The following BCAS3 variants were observed in gnomAD, a reference collection of about 807,000 sequenced individuals.
The protein encoded by BCAS3 is BCAS4/BCAS3 fusion.
Under a neutral mutation model 116.1 loss-of-function variants are expected in BCAS3, and 53 were observed. The ratio of observed to expected loss-of-function variants is 0.46; its 90% confidence interval spans 0.37 to 0.57. The LOEUF is 0.57. Among genes scored for constraint, BCAS3 ranks in the 20% least tolerant of loss-of-function variants. BCAS3 has a pLI of 0.00. For missense variants in BCAS3, 917 were observed against 1,165.4 expected (o/e 0.79, Z 3.10); for synonymous variants, 391 against 408.2 (o/e 0.96, Z 0.51).
At chr17:60,874,810 A>G in intron 9 of BCAS3, 72 bp downstream of exon 9, 1 of 937,030 alleles carries the variant, frequency 1.1e-6, no homozygotes. Flanking sequence ...TCAGCAAACT[A>G]ACTGTAATTT....
chr17:61,046,134 G>A (rs138487942), intron 19 of BCAS3, among the ~76,000 whole-genome samples: 1 of 85,840 alleles, frequency 1.2e-5, no homozygotes, highest in Non-Finnish European at 2.2e-5. Context: ...AGCAATACTG[G>A]CGCCAGTTTC....
chr17:61,104,392 T>A lies in BCAS3; in HGVS notation c.2425+19828T>A, dbSNP rs930445943. Among the ~76,000 whole-genome samples, 1 of 152,172 alleles carries A rather than the reference T, an allele frequency of 6.6e-6. No homozygotes were observed. The highest frequency in any genetic ancestry group is 1.5e-5 in the Non-Finnish European group (1 of 68,026). ...ATCTTGTATAACTGAATAAAGAAAA[T>A]TTTTTATTGAAATTAAAGTAAGGAA... On this transcript the variant is annotated intron_variant, in intron 22 of 23. Transcript: ENST00000407086. This position sits in a 1 kb window ranked among gnomAD's most constrained non-coding sequence, Gnocchi z 4.1.
At chr17:60,917,039 A>G (rs553639715) in intron 12 of BCAS3, among the ~76,000 whole-genome samples, 1 of 152,340 alleles carries the variant, frequency 6.6e-6, no homozygotes, top group African/African-American at 2.4e-5. Context: ...TATGACTAAT[A>G]TATATCTACG....
At position 61,332,377 on chromosome 17, in the gene BCAS3, C is replaced by T. The variant is rs1259260390; in HGVS notation, c.2426-35950C>T. Among the ~76,000 whole-genome samples, 1 of 152,122 alleles carries T rather than the reference C, an allele frequency of 6.6e-6. No homozygotes were observed. The highest frequency in any genetic ancestry group is 1.5e-5 in the Non-Finnish European group (1 of 68,034). On this transcript the variant is annotated intron_variant, in intron 22 of 23. Transcript: ENST00000407086. This position sits in a 1 kb window ranked among gnomAD's most constrained non-coding sequence, Gnocchi z 5.4. ...CGTCCCCTCCCCTCCCTCCACCATCCGAGAGGTCAGCTTCCTTCACCATGG... is the reference window on the plus strand; with the variant it reads ...CGTCCCCTCCCCTCCCTCCACCATCTGAGAGGTCAGCTTCCTTCACCATGG...
chr17:60,775,549 A>G (rs958293102), intron 6 of BCAS3, among the ~76,000 whole-genome samples: 3 of 149,754 alleles, frequency 2.0e-5, no homozygotes, highest in African/African-American at 7.4e-5. Flanking sequence ...TTTTATGTAT[A>G]TATAGGTTTA....
At chr17:60,860,610 T>A (rs1051250998) in intron 7 of BCAS3, among the ~76,000 whole-genome samples, 5 of 152,242 alleles carry the variant, frequency 3.3e-5, no homozygotes, top group African/African-American at 1.2e-4. Flanking sequence ...TTTATAGCAT[T>A]ATGTTTTACA....
chr17:61,134,471 A>G lies in BCAS3; in HGVS notation c.2425+49907A>G, dbSNP rs1386643306. On this transcript the variant is annotated intron_variant, in intron 22 of 23. Transcript: ENST00000407086. This position sits in a 1 kb window ranked among gnomAD's most constrained non-coding sequence, Gnocchi z 4.6. ...CTCGCTTTTTACACCAGCCTCTACT[A>G]TCTCCCTGTGTGACTCTGGTCAGTT... Among the ~76,000 whole-genome samples the G allele has an allele frequency of 2.0e-5, 3 of 152,214 alleles. No individual in the cohort carries two copies. Among genetic ancestry groups the G allele is most frequent in the Non-Finnish European group, 4.4e-5 (3 of 68,036 alleles).
At chr17:60,811,581 G>C (rs2048828488) in intron 7 of BCAS3, 1 of 333,484 alleles carries the variant, frequency 3.0e-6, no homozygotes, top group Non-Finnish European at 5.8e-6. Context: ...ATTTTACAAA[G>C]ATTTTAAAGC....
At chr17:60,802,119 A>C (rs2047838765) in intron 6 of BCAS3, among the ~76,000 whole-genome samples, 1 of 151,700 alleles carries the variant, frequency 6.6e-6, no homozygotes, top group Non-Finnish European at 1.5e-5. Context: ...ACCAGCCTCT[A>C]CTAAAAATAC....
At position 61,219,730 on chromosome 17, in the gene BCAS3, A is replaced by G. The variant is rs2082001630; in HGVS notation, c.2425+135166A>G. On this transcript the variant is annotated intron_variant, in intron 22 of 23. Coordinates refer to ENST00000407086, the MANE Select transcript of BCAS3 (RefSeq NM_017679.5). The surrounding 1 kb of genome is among the most constrained non-coding windows in gnomAD (Gnocchi z 5.2). ...CTGGGCTGACATGCCCTCTTTTCTCATCCAGCTGCTGCTTGTTTAGATGGC... is the reference window on the plus strand; with the variant it reads ...CTGGGCTGACATGCCCTCTTTTCTCGTCCAGCTGCTGCTTGTTTAGATGGC... 6.6e-6 allele frequency among the ~76,000 whole-genome samples: 1 copy of G among 152,078 alleles called. No individual in the cohort carries two copies. The highest frequency in any genetic ancestry group is 6.6e-5 in the Admixed American group (1 of 15,262).
chr17:60,764,623 G>T (rs1056532570), intron 6 of BCAS3, among the ~76,000 whole-genome samples: 1 of 152,122 alleles, frequency 6.6e-6, no homozygotes, highest in African/African-American at 2.4e-5. Context: ...CAATTATGTG[G>T]TCAGTTTTGG....
intron 6 of BCAS3, among the ~76,000 whole-genome samples, chr17:60,757,322 T>A (rs903329317): frequency 1.7e-4 from 8 of 46,870 alleles, no homozygotes; most frequent in Admixed American, 3.4e-4. Flanking sequence ...CTCAAAAAAA[T>A]AATAATAATA....
At chr17:61,283,456 A>ATT (rs771915805) in intron 22 of BCAS3, among the ~76,000 whole-genome samples, 76 of 142,348 alleles carry the variant, frequency 5.3e-4, no homozygotes, top group Middle Eastern at 3.6e-3. Flanking sequence ...AAGTAAATTG[A>ATT]TTTTTTTTTT....
Position 61,279,790 on chromosome 17 carries a change from A to C in BCAS3, c.2426-88537A>C, listed in dbSNP as rs1383211115. On this transcript the variant is annotated intron_variant, in intron 22 of 23. Transcript: ENST00000407086. This position sits in a 1 kb window ranked among gnomAD's most constrained non-coding sequence, Gnocchi z 4.4. ...TGCTTGAGTGAAGAAAAAAAAAAAA[A>C]ACTAGGCAGGTAACCACAAGCCAAG... Among the ~76,000 whole-genome samples the C allele has an allele frequency of 6.6e-6, 1 of 151,880 alleles. No homozygotes were observed. Among genetic ancestry groups the C allele is most frequent in the Non-Finnish European group, 1.5e-5 (1 of 67,966 alleles).
At chr17:61,143,169 G>A (rs2077013088) in intron 22 of BCAS3, among the ~76,000 whole-genome samples, 1 of 152,098 alleles carries the variant, frequency 6.6e-6, no homozygotes, top group African/African-American at 2.4e-5. Flanking sequence ...CAACTTGCTT[G>A]CATTGTTCTT....
At chr17:60,780,893 G>C (rs1022687012) in intron 6 of BCAS3, among the ~76,000 whole-genome samples, 2 of 152,068 alleles carry the variant, frequency 1.3e-5, no homozygotes, top group Admixed American at 6.5e-5. Context: ...TATTTTGTTA[G>C]ATGTACATAC....
At chr17:60,980,896 C>T (rs1429230629) in intron 14 of BCAS3, among the ~76,000 whole-genome samples, 2 of 151,946 alleles carry the variant, frequency 1.3e-5, no homozygotes, top group African/African-American at 4.8e-5. Context: ...TGCAGTGGCA[C>T]CAGTATGGCT....
intron 19 of BCAS3, among the ~76,000 whole-genome samples, chr17:61,071,236 T>C (rs773768300): frequency 3.9e-5 from 6 of 152,242 alleles, no homozygotes; most frequent in Non-Finnish European, 7.3e-5. Context: ...AATCTCATAA[T>C]AACCATGCTT....
At chr17:61,152,715 T>C (rs1044016396) in intron 22 of BCAS3, among the ~76,000 whole-genome samples, 6 of 151,692 alleles carry the variant, frequency 4.0e-5, no homozygotes, top group African/African-American at 1.5e-4. Context: ...AAGGTTAACT[T>C]CTAAAAAAAA....
Sources: allele counts gnomAD v4.1 joint callset (sites outside exome capture counted in the v4.1 genomes callset), GRCh38; gene constraint gnomAD v4.1.1; non-coding constraint Gnocchi (gnomAD v3.1); transcripts MANE v1.5; gene names NCBI Gene and HGNC (gene_info 2026-07-23, HGNC 2026-07-21).